KCNK10: variants seen among roughly 807,000 people sequenced by gnomAD.
KCNK10 encodes potassium two pore domain channel subfamily K member 10, also known as potassium channel subfamily K member 10.
Under a neutral mutation model 47.7 loss-of-function variants are expected in KCNK10, and 25 were observed. The observed-to-expected ratio is 0.52, with a 90% confidence interval of 0.38 to 0.73. The LOEUF (loss-of-function observed/expected upper bound fraction) is 0.73, where lower values mean the gene tolerates loss of function less well. KCNK10 is among the 30% of genes least tolerant of loss of function. The pLI, the probability that KCNK10 is intolerant of heterozygous loss-of-function variation, is 0.00. For synonymous variants in KCNK10, 303 were observed against 285.6 expected, an observed-to-expected ratio of 1.06 and a Z score of -0.61; for missense variants, 563 against 714.5, an observed-to-expected ratio of 0.79 and a Z score of 2.42.
intron 2 of KCNK10, among the ~76,000 whole-genome samples, chr14:88,255,118 T>C (rs1281986230): frequency 6.6e-6 from 1 of 152,220 alleles, no homozygotes; most frequent in Non-Finnish European, 1.5e-5. Flanking sequence ...TGGAGTGCTA[T>C]AGCACCATGC....
intron 1 of KCNK10, among the ~76,000 whole-genome samples, chr14:88,303,707 G>C (rs1482919995): frequency 6.6e-6 from 1 of 152,180 alleles, no homozygotes; most frequent in Non-Finnish European, 1.5e-5. Flanking sequence ...AGGAATCAAG[G>C]TGGGACTGGT....
At chr14:88,231,676 ATTAG>A (rs952067858) in intron 3 of KCNK10, among the ~76,000 whole-genome samples, 3 of 152,188 alleles carry the variant, frequency 2.0e-5, no homozygotes, top group Admixed American at 2.0e-4. Context: ...CTCACGTTGA[ATTAG>A]TTACTGAGAA....
At chr14:88,230,331 G>C (rs533518296) in intron 3 of KCNK10, among the ~76,000 whole-genome samples, 1 of 152,158 alleles carries the variant, frequency 6.6e-6, no homozygotes, top group Admixed American at 6.5e-5. Flanking sequence ...TTCAGCAGAA[G>C]ACAACCAACT....
At chr14:88,226,613 C>G (rs1885995035) in intron 4 of KCNK10, among the ~76,000 whole-genome samples, 1 of 152,170 alleles carries the variant, frequency 6.6e-6, no homozygotes, top group African/African-American at 2.4e-5. Flanking sequence ...TCTGTGAAAG[C>G]ATACAAATGA....
chr14:88,326,492 T>TCTGTGC (rs1427102580), upstream of KCNK10: 3 of 1,571,220 alleles, frequency 1.9e-6, no homozygotes, highest in East Asian at 4.5e-5. Context: ...TCTGTCTCCC[T>TCTGTGC]CTGTGCCGCC....
In KCNK10 at chr14:88,261,524, G is replaced by A. The variant is rs138921176; in HGVS notation, c.402+1678C>T. On this transcript the variant is annotated intron_variant, in intron 2 of 6. Coordinates refer to ENST00000319231, the MANE Select transcript of KCNK10 (RefSeq NM_138317.3). ...TCCCAGCACTTTAGGAGGCCAAGGCGGGTTGATTGCTTGAGCCTAGGAATT... is the reference window on the plus strand; with the variant it reads ...TCCCAGCACTTTAGGAGGCCAAGGCAGGTTGATTGCTTGAGCCTAGGAATT... Among the ~76,000 whole-genome samples the A allele has an allele frequency of 7.8e-4, 119 of 152,266 alleles. 1 individual carries two copies. Among genetic ancestry groups the A allele is most frequent in the East Asian group, 5.2e-3 (27 of 5,180 alleles).
rs1423329971 is a variant in KCNK10, at chr14:88,182,603, T to C, written c.*2932A>G. 2 of 152,462 alleles carry C rather than the reference T, an allele frequency of 1.3e-5. No individual in the cohort carries two copies. The highest frequency in any genetic ancestry group is 3.8e-4 in the East Asian group (2 of 5,320). The allele number at this position is 152,462 out of a possible 1,614,324, so 9.4% of individuals were successfully genotyped here. A position where few individuals can be genotyped will look rare whatever the true frequency, so the allele number is the denominator to read the frequency against. ...GATCAATCACCATAGAGGATCTTCT[T>C]TGATTTTGTTCATCACATTCTTGGC... is the stretch of plus-strand genomic sequence containing the variant. On this transcript the variant is annotated 3_prime_UTR_variant, in exon 7 of 7. Coordinates refer to ENST00000319231, the MANE Select transcript of KCNK10 (RefSeq NM_138317.3).
chr14:88,309,304 CA>C (rs1161290336), intron 1 of KCNK10, among the ~76,000 whole-genome samples: 1 of 152,134 alleles, frequency 6.6e-6, no homozygotes, highest in Non-Finnish European at 1.5e-5. Context: ...GGGAGAATAG[CA>C]AAAAGGCTCA....
chr14:88,248,544 C>T (rs1350124059), intron 2 of KCNK10, among the ~76,000 whole-genome samples: 1 of 152,054 alleles, frequency 6.6e-6, no homozygotes, highest in Non-Finnish European at 1.5e-5. Context: ...GCCTGGGCAA[C>T]ATGGCAAAAT....
At chr14:88,187,701 T>A (rs181541919) in intron 6 of KCNK10, among the ~76,000 whole-genome samples, 209 of 151,986 alleles carry the variant, frequency 1.4e-3, no homozygotes, top group African/African-American at 5.0e-3. Context: ...AATCAGCTGT[T>A]GTTTACTAGT....
chr14:88,217,948 G>A (rs1566689214), intron 4 of KCNK10, among the ~76,000 whole-genome samples: 1 of 151,808 alleles, frequency 6.6e-6, no homozygotes, highest in Non-Finnish European at 1.5e-5. Flanking sequence ...GTCTCAAACT[G>A]CTGACCTCAA....
At chr14:88,248,238 G>A (rs1251879593) in intron 2 of KCNK10, among the ~76,000 whole-genome samples, 1 of 152,120 alleles carries the variant, frequency 6.6e-6, no homozygotes, top group East Asian at 1.9e-4. Context: ...CAAGAATTCT[G>A]ATTCATTACA....
chr14:88,222,258 G>T (rs532624163), intron 4 of KCNK10, among the ~76,000 whole-genome samples: 8 of 152,198 alleles, frequency 5.3e-5, no homozygotes, highest in Non-Finnish European at 7.4e-5. Context: ...CCTCCCCCTG[G>T]GTCCCTCCCA....
rs533332984 is a variant in KCNK10 at position 88,185,937 on chromosome 14, G to T, written c.1230C>A (p.Thr410=). The change falls in exon 7 of 7, where the codon ACC becomes ACA. Residue 410 remains threonine, a synonymous_variant. Transcript: ENST00000319231. The surrounding 1 kb of genome is among the most constrained non-coding windows in gnomAD (Gnocchi z 4.3). ...EKRSVFAALD[T]GRFKASSQES... is the part of the protein sequence containing the mutation. ...CCTGGGATGAGGCCTTGAAGCGGCC[G>T]GTGTCCAGGGCAGCAAAGACAGAGC... The T allele has an allele frequency of 5.0e-6, 8 of 1,613,774 alleles. No homozygotes were observed. Among genetic ancestry groups the T allele is most frequent in the African/African-American group, 2.7e-5 (2 of 74,888 alleles).
chr14:88,222,923 C>T (rs1161147315), intron 4 of KCNK10, among the ~76,000 whole-genome samples: 1 of 152,304 alleles, frequency 6.6e-6, no homozygotes, highest in Non-Finnish European at 1.5e-5. Flanking sequence ...CCTGAGTCAA[C>T]GTACCTCCAG....
At chr14:88,192,673 A>C (rs1232008920) in intron 4 of KCNK10, among the ~76,000 whole-genome samples, 1 of 152,218 alleles carries the variant, frequency 6.6e-6, no homozygotes, top group East Asian at 1.9e-4. Context: ...CTGCTTAGCC[A>C]ATGCTTTGAA....
intron 4 of KCNK10, among the ~76,000 whole-genome samples, chr14:88,218,387 A>T (rs1885692375): frequency 1.3e-5 from 2 of 152,178 alleles, no homozygotes; most frequent in African/African-American, 4.8e-5. Context: ...TAGCACTTTG[A>T]GATTGTCATC....
At chr14:88,292,716 C>T (rs12880193) in intron 1 of KCNK10, among the ~76,000 whole-genome samples, 77,337 of 151,916 alleles carry the variant, frequency 0.51, 20,231 homozygotes, top group Middle Eastern at 0.57. Context: ...CACTGCAAAG[C>T]CCTCCCCACT....
At chr14:88,289,347 A>T (rs762640382) in intron 1 of KCNK10, among the ~76,000 whole-genome samples, 2 of 152,158 alleles carry the variant, frequency 1.3e-5, no homozygotes, top group African/African-American at 2.4e-5. Flanking sequence ...AGGCTGAAGC[A>T]GGGCCCCATT....
Sources: allele counts gnomAD v4.1 joint callset (sites outside exome capture counted in the v4.1 genomes callset), GRCh38; gene constraint gnomAD v4.1.1; non-coding constraint Gnocchi (gnomAD v3.1); transcripts MANE v1.5; gene names NCBI Gene and HGNC (gene_info 2026-07-23, HGNC 2026-07-21).